The following ARMC9 variants were observed in gnomAD, a reference collection of about 807,000 sequenced individuals.
The protein encoded by ARMC9 is lisH domain-containing protein ARMC9.
Under a neutral mutation model 107.0 loss-of-function variants are expected in ARMC9, and 94 were observed. The ratio of observed to expected loss-of-function variants is 0.88; its 90% CI spans 0.74 to 1.04. The LOEUF is 1.04. ARMC9 is among the 50% of genes least tolerant of loss of function. The probability of loss-of-function intolerance (pLI) is 0.00; values close to 1 mark genes in which losing one functional copy is unlikely to be tolerated. For missense variants in ARMC9, 942 were observed against 1,030.1 expected, an observed-to-expected ratio of 0.91 and a Z score of 1.17; for synonymous variants, 380 against 396.9, an observed-to-expected ratio of 0.96 and a Z score of 0.51.
chr2:231,323,652 T>C (rs2043128279), intron 19 of ARMC9, among the ~76,000 whole-genome samples: 1 of 152,178 alleles, frequency 6.6e-6, no homozygotes, highest in African/African-American at 2.4e-5. Context: ...TATCATGGCG[T>C]TCCAAAAGCA....
In ARMC9 at chr2:231,355,800, T is replaced by G; in HGVS notation, c.1997T>G (p.Val666Gly). ...CCGTTTTTCATGTTTTTCTCCAGGG[T>G]GGAAGACCAACACACACCTCCCCAG... ...PGGHRNGYPV[V>G]EDQHTPPQTA... Residue 666 changes from valine to glycine, a missense_variant and splice_region_variant, in exon 22 of 25, where the codon GTG becomes GGG. Transcript: ENST00000611582. The G allele has an allele frequency of 6.5e-7, 1 of 1,531,650 alleles. No individual in the cohort carries two copies. The highest frequency in any genetic ancestry group is 8.7e-7 in the Non-Finnish European group (1 of 1,143,564). The allele number at this position is 1,531,650 out of a possible 1,614,324, so 94.9% of individuals were successfully genotyped here. A position where few individuals can be genotyped will look rare whatever the true frequency, so the allele number is the denominator to read the frequency against.
In ARMC9 at chr2:231,344,925, G is replaced by T; in HGVS notation, c.1879-50G>T. On this transcript the variant is annotated intron_variant, in intron 20 of 24. Transcript: ENST00000611582. ...TGTATTCTGCTTGACTTCTAGGTCA[G>T]CTCTCTAATAGATATTTCTCCAGCC... 3 of 1,584,096 alleles carry T rather than the reference G, an allele frequency of 1.9e-6. No individual in the cohort carries two copies. In the South Asian group the frequency reaches 3.3e-5, roughly 18 times the overall value.
At chr2:231,310,205 G>A (rs1467131068) in intron 19 of ARMC9, among the ~76,000 whole-genome samples, 8 of 151,556 alleles carry the variant, frequency 5.3e-5, no homozygotes, top group East Asian at 1.9e-4. Flanking sequence ...ACCTGAGGTC[G>A]GGAGTTCGCG....
At chr2:231,281,253 G>A (rs1022599035) in intron 16 of ARMC9, among the ~76,000 whole-genome samples, 8 of 152,090 alleles carry the variant, frequency 5.3e-5, no homozygotes, top group Admixed American at 3.9e-4. Flanking sequence ...GTTCAGGAGA[G>A]CCTTCCCAGG....
intron 19 of ARMC9, among the ~76,000 whole-genome samples, chr2:231,331,557 GGCTCCCTA>G (rs929101296): frequency 1.3e-5 from 2 of 152,174 alleles, no homozygotes; most frequent in East Asian, 3.8e-4. Flanking sequence ...AAGCAGTGGA[GGCTCCCTA>G]GCTCCCTAGC....
rs1045814307 is a variant in ARMC9 at position 231,321,192 on chromosome 2, G to A, written c.1774-10601G>A. ...ATGCCTGTCAGCTGTTTTTAACGCC[G>A]CCCTTGCGATCTAGAGACAGACTGG... On this transcript the variant is annotated intron_variant, in intron 19 of 24. Transcript: ENST00000611582. Among the ~76,000 whole-genome samples the A allele has an allele frequency of 6.6e-5, 10 of 152,254 alleles. No homozygotes were observed. The East Asian group carries it at 1.9e-3, about 29-fold the overall frequency.
chr2:231,295,316 A>G (rs886763267), intron 18 of ARMC9: 2 of 152,308 alleles, frequency 1.3e-5, no homozygotes, highest in Non-Finnish European at 2.9e-5. Context: ...GCATTCATTC[A>G]TTAGTAAGCA....
chr2:231,300,286 T>A (rs2041641760), intron 19 of ARMC9, among the ~76,000 whole-genome samples: 1 of 152,234 alleles, frequency 6.6e-6, no homozygotes, highest in Non-Finnish European at 1.5e-5. Context: ...GCAATTTCCT[T>A]CTATACAAAG....
intron 19 of ARMC9, among the ~76,000 whole-genome samples, chr2:231,310,141 G>A (rs142032874): frequency 7.7e-4 from 118 of 152,346 alleles, no homozygotes; most frequent in African/African-American, 2.7e-3. Context: ...GGGGCCGGGC[G>A]CGGTGGCTCA....
intron 20 of ARMC9, among the ~76,000 whole-genome samples, chr2:231,336,057 A>G (rs1016542392): frequency 1.3e-5 from 2 of 152,046 alleles, no homozygotes; most frequent in African/African-American, 4.8e-5. Context: ...CCAGCCTTGG[A>G]GTGCAAAAAT....
rs369223097 is a variant in ARMC9 at position 231,296,209 on chromosome 2, G to A, written c.1729G>A (p.Asp577Asn). The A allele has an allele frequency of 6.2e-6, 10 of 1,613,186 alleles. No homozygotes were observed. The highest frequency in any genetic ancestry group is 8.5e-6 in the Non-Finnish European group (10 of 1,179,484). The change falls in exon 19 of 25, where the codon GAT becomes AAT. Residue 577 changes from aspartate to asparagine, a missense_variant. Physicochemically the swap from Asp to Asn is conservative, Grantham distance 23. Transcript: ENST00000611582. ...TTTTTTCTTTATAGAAGAGCTACCA[G>A]ATGGTGTTCTTGAATCTGATGATGA... The part of the protein sequence containing the change: ...IKQLNSEELP[D>N]GVLESDDDED...
intron 19 of ARMC9, among the ~76,000 whole-genome samples, chr2:231,307,882 G>T (rs2042121077): frequency 6.6e-6 from 1 of 152,214 alleles, no homozygotes; most frequent in Non-Finnish European, 1.5e-5. Context: ...AATAAGAGAG[G>T]TGTTCAAGCA....
intron 19 of ARMC9, among the ~76,000 whole-genome samples, chr2:231,305,498 C>T (rs1213076545): frequency 1.3e-5 from 2 of 152,210 alleles, no homozygotes; most frequent in African/African-American, 4.8e-5. Flanking sequence ...AGGCGTAGTT[C>T]TGCAGATGAG....
At chr2:231,281,400 G>A (rs951350531) in intron 16 of ARMC9, among the ~76,000 whole-genome samples, 2 of 152,184 alleles carry the variant, frequency 1.3e-5, no homozygotes, top group Non-Finnish European at 2.9e-5. Flanking sequence ...ACACTTTGTG[G>A]TGGCAGGGAG....
chr2:231,339,315 C>T (rs776319183), intron 20 of ARMC9, among the ~76,000 whole-genome samples: 1 of 144,522 alleles, frequency 6.9e-6, no homozygotes, highest in Non-Finnish European at 1.5e-5. Flanking sequence ...GGCGACAGAG[C>T]AAGACTCTGT....
intron 6 of ARMC9, among the ~76,000 whole-genome samples, chr2:231,224,432 A>G (rs540812024): frequency 6.6e-5 from 10 of 152,336 alleles, no homozygotes; most frequent in Admixed American, 3.3e-4. Flanking sequence ...CAGCCTGGGC[A>G]ACATAGTGAG....
At chr2:231,275,221 C>G (rs945347944) in intron 14 of ARMC9, among the ~76,000 whole-genome samples, 1 of 152,182 alleles carries the variant, frequency 6.6e-6, no homozygotes, top group African/African-American at 2.4e-5. Context: ...ATAAGCCACC[C>G]TGATTGGGTC....
intron 2 of ARMC9, among the ~76,000 whole-genome samples, 200 bp downstream of exon 2, chr2:231,206,489 T>C (rs2032012942): frequency 6.6e-6 from 1 of 152,204 alleles, no homozygotes; most frequent in Admixed American, 6.5e-5. Flanking sequence ...AAAAGTCCCT[T>C]GAAAGAAAAT....
At chr2:231,344,792 CA>C (rs907691967) in intron 20 of ARMC9, among the ~76,000 whole-genome samples, 182 bp from the exon 21 acceptor site, 1 of 151,720 alleles carries the variant, frequency 6.6e-6, no homozygotes, top group African/African-American at 2.4e-5. Context: ...AAACCGTTAG[CA>C]AAAAAAGGGT....
Sources: gnomAD v4.1 joint callset for allele counts (sites outside exome capture counted in the v4.1 genomes callset) on GRCh38, gnomAD v4.1.1 for gene constraint, MANE v1.5 for transcripts, NCBI Gene and HGNC (gene_info 2026-07-23, HGNC 2026-07-21) for gene names.